Variants in MCU observed in about 807,000 individuals in gnomAD.
MCU encodes the protein mitochondrial calcium uniporter, also known as calcium uniporter protein, mitochondrial.
Under a neutral mutation model 45.2 loss-of-function variants are expected in MCU, and 12 were observed. That is an observed-to-expected ratio of 0.27 (90% confidence interval 0.17 to 0.43). The LOEUF is 0.43. MCU is among the 20% of genes least tolerant of loss of function. The pLI is 1.00. For missense variants in MCU, 324 were observed against 436.7 expected, an observed-to-expected ratio of 0.74 and a Z score of 2.30; for synonymous variants, 160 against 165.1, an observed-to-expected ratio of 0.97 and a Z score of 0.24.
intron 1 of MCU, among the ~76,000 whole-genome samples, chr10:72,745,862 CAT>C (rs1843408293): frequency 6.6e-6 from 1 of 152,104 alleles, no homozygotes; most frequent in African/African-American, 2.4e-5. Flanking sequence ...GTATACATAA[CAT>C]AAAATATACC....
chr10:72,732,450 A>G lies in MCU; in HGVS notation c.150+40149A>G, dbSNP rs185256793. Among the ~76,000 whole-genome samples the G allele has an allele frequency of 3.2e-4, 48 of 152,348 alleles. No homozygotes were observed. In the East Asian group the frequency reaches 8.5e-3, roughly 27 times the overall value. The stretch of plus-strand genomic sequence containing the variant: ...ATGCTGATCAGCAAGAGATTAAACT[A>G]TAATTCTTTAAAAAATGAGATAGAG... On this transcript the variant is annotated intron_variant, in intron 1 of 7. Transcript: ENST00000373053.
chr10:72,692,688 C>T (rs556563045), intron 1 of MCU: 1 of 1,219,404 alleles, frequency 8.2e-7, no homozygotes, highest in South Asian at 2.7e-5. Flanking sequence ...CCTTTCCCTC[C>T]TCCTCCGGGC....
intron 1 of MCU, among the ~76,000 whole-genome samples, chr10:72,727,689 G>A (rs1468374001): frequency 6.6e-6 from 1 of 152,088 alleles, no homozygotes; most frequent in Admixed American, 6.6e-5. Flanking sequence ...AGTGCCTCTT[G>A]TATGGGAAGC....
intron 1 of MCU, among the ~76,000 whole-genome samples, chr10:72,756,139 C>T (rs1589446377): frequency 6.6e-6 from 1 of 152,224 alleles, no homozygotes; most frequent in East Asian, 1.9e-4. Context: ...GTGTGAACCA[C>T]CACACCTGGC....
chr10:72,746,783 G>A (rs1330183433), intron 1 of MCU, among the ~76,000 whole-genome samples: 1 of 152,104 alleles, frequency 6.6e-6, no homozygotes, highest in Non-Finnish European at 1.5e-5. Flanking sequence ...AACTTATTTG[G>A]ACTTCTAATC....
rs148282117 is a variant in MCU at position 72,716,337 on chromosome 10, C to T, written c.150+24036C>T. ...CTTCTAAAGAGAAAACCAGGAAAGT[C>T]AAGACCTGTGTCATAATGCTGACTA... On this transcript the variant is annotated intron_variant, in intron 1 of 7. Transcript: ENST00000373053. Among the ~76,000 whole-genome samples, 4 of 152,326 alleles carry T rather than the reference C, an allele frequency of 2.6e-5. No individual in the cohort carries two copies. The East Asian group carries it at 7.7e-4, about 29-fold the overall frequency.
At chr10:72,712,847 T>C (rs1187693719) in intron 1 of MCU, among the ~76,000 whole-genome samples, 1 of 152,216 alleles carries the variant, frequency 6.6e-6, no homozygotes, top group Non-Finnish European at 1.5e-5. Flanking sequence ...CTCTTGATAA[T>C]GGTTTGAACA....
intron 1 of MCU, among the ~76,000 whole-genome samples, chr10:72,738,131 G>A (rs1375765463): frequency 1.3e-5 from 2 of 152,148 alleles, no homozygotes; most frequent in Non-Finnish European, 2.9e-5. Context: ...ACTGGAAAAA[G>A]CTTTCAAATT....
In MCU at chr10:72,860,505, C is replaced by T. The variant is rs2132870390; in HGVS notation, c.474C>T (p.Tyr158=). Residue 158 remains tyrosine (Y), a synonymous_variant, in exon 4 of 8, where the codon TAC becomes TAT. Coordinates refer to ENST00000373053, the MANE Select transcript of MCU (RefSeq NM_138357.3). The part of the protein sequence containing the change: ...DFKLVINDLT[Y]HVRPPKRDLL... ...AGCTGGTCATTAATGACTTAACATACCACGTACGACCACCAAAAAGAGGTA... is the reference window on the plus strand; with the variant it reads ...AGCTGGTCATTAATGACTTAACATATCACGTACGACCACCAAAAAGAGGTA... The T allele has an allele frequency of 6.2e-7, 1 of 1,613,592 alleles. No individual in the cohort carries two copies. The highest frequency in any genetic ancestry group is 8.5e-7 in the Non-Finnish European group (1 of 1,179,674).
chr10:72,886,165 C>G lies in MCU; in HGVS notation c.*343C>G, dbSNP rs1845771867. On this transcript the variant is annotated 3_prime_UTR_variant, in exon 8 of 8. Transcript: ENST00000373053. ...CTTTGCAGAGTCAGCAAAAGAGTAA[C>G]ACACCAGCACCCCACTCGACTCTAT... The G allele has an allele frequency of 5.4e-6, 1 of 185,500 alleles. No individual in the cohort carries two copies. The highest frequency in any genetic ancestry group is 2.3e-5 in the African/African-American group (1 of 42,570). The allele number at this position is 185,500 out of a possible 1,614,324, so 11.5% of individuals were successfully genotyped here.
intron 1 of MCU, among the ~76,000 whole-genome samples, chr10:72,717,323 G>C (rs1842967072): frequency 6.6e-6 from 1 of 151,340 alleles, no homozygotes; most frequent in Non-Finnish European, 1.5e-5. Flanking sequence ...GCAGTGGCAC[G>C]ATCTCGGCTC....
chr10:72,829,044 G>GGC (rs1372363013), intron 1 of MCU, among the ~76,000 whole-genome samples: 4 of 152,280 alleles, frequency 2.6e-5, no homozygotes, highest in Admixed American at 6.5e-5. Flanking sequence ...AGGGAGGCCG[G>GGC]GCGCCTTGGC....
intron 1 of MCU, among the ~76,000 whole-genome samples, chr10:72,775,975 G>A (rs1843886359): frequency 1.3e-5 from 2 of 151,976 alleles, no homozygotes; most frequent in Non-Finnish European, 2.9e-5. Flanking sequence ...GACCAGCCTG[G>A]GCAACATAGT....
At chr10:72,735,092 G>A (rs980020073) in intron 1 of MCU, among the ~76,000 whole-genome samples, 3 of 140,068 alleles carry the variant, frequency 2.1e-5, no homozygotes, top group East Asian at 2.2e-4. Flanking sequence ...AAAAAAATTC[G>A]TCTGTGTTGT....
chr10:72,746,222 G>A (rs1843413253), intron 1 of MCU, among the ~76,000 whole-genome samples: 1 of 152,126 alleles, frequency 6.6e-6, no homozygotes, highest in Admixed American at 6.5e-5. Context: ...CAGCCACACT[G>A]GCGTTGCAGT....
At chr10:72,727,766 T>G (rs1375101416) in intron 1 of MCU, among the ~76,000 whole-genome samples, 1 of 152,230 alleles carries the variant, frequency 6.6e-6, no homozygotes, top group Non-Finnish European at 1.5e-5. Context: ...TAAGAAGTTT[T>G]ATATTCTTGT....
intron 1 of MCU, among the ~76,000 whole-genome samples, chr10:72,702,966 G>A (rs560938041): frequency 1.4e-5 from 2 of 142,886 alleles, no homozygotes; most frequent in South Asian, 4.4e-4. Context: ...CAACAAGAAC[G>A]AAACTGTGTC....
chr10:72,839,724 CGGGCA>C (rs1350070029), intron 2 of MCU, among the ~76,000 whole-genome samples: 1 of 150,558 alleles, frequency 6.6e-6, no homozygotes, highest in African/African-American at 2.4e-5. Flanking sequence ...GAGGCTGAGG[CGGGCA>C]GATCATGAGG....
intron 1 of MCU, among the ~76,000 whole-genome samples, chr10:72,697,282 A>G (rs1211392067): frequency 6.6e-6 from 1 of 151,362 alleles, no homozygotes; most frequent in African/African-American, 2.4e-5. Context: ...ATGCCTGGCT[A>G]ATTTTTGTAT....
Sources: gnomAD v4.1 joint callset for allele counts (sites outside exome capture counted in the v4.1 genomes callset) on GRCh38, gnomAD v4.1.1 for gene constraint, MANE v1.5 for transcripts, NCBI Gene and HGNC (gene_info 2026-07-23, HGNC 2026-07-21) for gene names.